SERPINB8: variants seen among roughly 807,000 people sequenced by gnomAD.
The protein encoded by SERPINB8 is serpin B8.
A neutral mutation model predicts 35.3 loss-of-function variants in SERPINB8; 25 were observed. The observed-to-expected ratio is 0.71, with a 90% CI of 0.52 to 0.99. The LOEUF (loss-of-function observed/expected upper bound fraction) is 0.99. Among genes scored for constraint, SERPINB8 ranks in the 50% least tolerant of loss-of-function variants. The pLI is 0.00. For missense variants in SERPINB8, 484 were observed against 446.5 expected (o/e 1.08, Z -0.76); for synonymous variants, 186 against 160.8 (o/e 1.16, Z -1.19).
Position 63,998,983 on chromosome 18 carries a change from A to T in SERPINB8, c.71-5836A>T, listed in dbSNP as rs142401449. ...CCAAGCCAGAATATTTAGGTTCACCATTCTAAGAATGAATTAAGAGCACTA... is the reference window on the plus strand; with the variant it reads ...CCAAGCCAGAATATTTAGGTTCACCTTTCTAAGAATGAATTAAGAGCACTA... On this transcript the variant is annotated intron_variant, in intron 1 of 1. Transcript: ENST00000493661. 5.6e-3 allele frequency among the ~76,000 whole-genome samples: 856 copies of T among 152,374 alleles called. 1 individual carries two copies. The highest frequency in any genetic ancestry group is 0.01 in the Middle Eastern group (3 of 294).
chr18:64,018,197 GT>G (rs1280436819), intron 7 of SERPINB8, among the ~76,000 whole-genome samples: 2 of 152,036 alleles, frequency 1.3e-5, no homozygotes, highest in Non-Finnish European at 2.9e-5. Flanking sequence ...AACATTCTTG[GT>G]TTTTAATTTT....
At position 63,987,095 on chromosome 18, in the gene SERPINB8, C is replaced by T. The variant is rs3744958; in HGVS notation, c.942C>T (p.Ala314=). The T allele has an allele frequency of 0.039, 63,682 of 1,614,116 alleles. 1,374 individuals are homozygous for T. The highest frequency in any genetic ancestry group is 0.07 in the East Asian group (3,157 of 44,876). ...TEKNVPLSKV[A]HKCFVEVNEE... is the part of the protein sequence containing the mutation. Reference sequence around the variant, plus strand: ...AGAATGTGCCTCTGTCCAAGGTTGCCCACAAGTGCTTCGTGGAGGTCAATG... The same window carrying T: ...AGAATGTGCCTCTGTCCAAGGTTGCTCACAAGTGCTTCGTGGAGGTCAATG... Residue 314 remains alanine (A), a synonymous_variant, in exon 7 of 7, where the codon GCC becomes GCT. Coordinates refer to ENST00000397985, the MANE Select transcript of SERPINB8 (RefSeq NM_002640.4).
At chr18:63,972,320 T>A in intron 1 of SERPINB8, among the ~76,000 whole-genome samples, 1 of 152,238 alleles carries the variant, frequency 6.6e-6, no homozygotes, top group African/African-American at 2.4e-5. Context: ...AATAATACTG[T>A]ATTACTCTGT....
chr18:63,993,563 A>T (rs1281790786), downstream of SERPINB8, among the ~76,000 whole-genome samples: 1 of 152,202 alleles, frequency 6.6e-6, no homozygotes, highest in Non-Finnish European at 1.5e-5. Flanking sequence ...TGTGAATTCC[A>T]TGAAGTTGGT....
At position 63,986,992 on chromosome 18, in the gene SERPINB8, A is replaced by T. The variant is rs568953276; in HGVS notation, c.839A>T (p.Glu280Val). 9 of 1,614,230 alleles carry T rather than the reference A, an allele frequency of 5.6e-6. No homozygotes were observed. The highest frequency in any genetic ancestry group is 7.6e-6 in the Non-Finnish European group (9 of 1,180,040). Residue 280 changes from glutamate to valine, a missense_variant, in exon 7 of 7, where the codon GAG becomes GTG. By Grantham distance (121) the Glu-to-Val change is moderately radical. Coordinates refer to ENST00000397985, the MANE Select transcript of SERPINB8 (RefSeq NM_002640.4). The part of the protein sequence containing the change: ...RLKLEESYDL[E>V]PFLRRLGMID... The stretch of plus-strand genomic sequence containing the variant: ...AAGCTGGAGGAGAGTTATGACTTGG[A>T]GCCTTTCCTTCGAAGATTAGGAATG...
intron 7 of SERPINB8, among the ~76,000 whole-genome samples, chr18:64,010,903 C>T (rs1008423438): frequency 1.3e-5 from 2 of 151,626 alleles, no homozygotes; most frequent in Non-Finnish European, 2.9e-5. Context: ...GTTTCTTAAG[C>T]TGGGTAGTGG....
downstream of SERPINB8, among the ~76,000 whole-genome samples, chr18:63,994,048 T>C (rs1034444588): frequency 1.3e-5 from 2 of 151,778 alleles, no homozygotes; most frequent in Admixed American, 1.3e-4. Flanking sequence ...AGTCCATCCT[T>C]CCCCCATCCC....
At chr18:63,972,844 T>G (rs983499626) in intron 1 of SERPINB8, among the ~76,000 whole-genome samples, 1 of 152,208 alleles carries the variant, frequency 6.6e-6, no homozygotes, top group African/African-American at 2.4e-5. Flanking sequence ...GGCTGCATAG[T>G]ATTCCATGGT....
chr18:64,006,462 A>G (rs192979682), downstream of SERPINB8, among the ~76,000 whole-genome samples: 325 of 152,328 alleles, frequency 2.1e-3, 2 homozygotes, highest in African/African-American at 7.5e-3. Flanking sequence ...TAACACACCG[A>G]GGAAATGCCA....
chr18:63,993,563 A>G (rs1281790786), downstream of SERPINB8, among the ~76,000 whole-genome samples: 1 of 152,202 alleles, frequency 6.6e-6, no homozygotes, highest in Non-Finnish European at 1.5e-5. Context: ...TGTGAATTCC[A>G]TGAAGTTGGT....
chr18:63,995,017 A>G (rs1422999123), intron 1 of SERPINB8, among the ~76,000 whole-genome samples: 1 of 152,118 alleles, frequency 6.6e-6, no homozygotes, highest in African/African-American at 2.4e-5. Flanking sequence ...ACATTCCCAA[A>G]TTGCTCTCTG....
intron 3 of SERPINB8, among the ~76,000 whole-genome samples, chr18:63,981,207 G>A (rs1176735946): frequency 6.6e-6 from 1 of 152,174 alleles, no homozygotes; most frequent in East Asian, 1.9e-4. Flanking sequence ...GGCCTTCCTT[G>A]CTCTGTATTC....
intron 1 of SERPINB8, among the ~76,000 whole-genome samples, chr18:64,003,550 TGTGTGTGTA>T (rs1370488148): frequency 6.6e-6 from 1 of 151,344 alleles, no homozygotes; most frequent in East Asian, 1.9e-4. Flanking sequence ...TGTGTGTGTG[TGTGTGTGTA>T]TTTGTTATGA....
At chr18:63,983,861 C>A in intron 5 of SERPINB8, 140 bp downstream of exon 5, 1 of 636,204 alleles carries the variant, frequency 1.6e-6, no homozygotes, top group Non-Finnish European at 2.5e-6. Flanking sequence ...ATTTTATTTT[C>A]TTTGAGACAG....
chr18:63,985,028 G>C (rs762596043), intron 5 of SERPINB8, 65 bp from the exon 6 acceptor site: 245 of 1,532,826 alleles, frequency 1.6e-4, no homozygotes, highest in Non-Finnish European at 2.1e-4. Flanking sequence ...CTGTGAGTTA[G>C]ATATATCCTA....
chr18:64,012,425 A>G (rs1031108095), intron 7 of SERPINB8, among the ~76,000 whole-genome samples: 2 of 152,212 alleles, frequency 1.3e-5, no homozygotes, highest in African/African-American at 4.8e-5. Context: ...TTTACATCTC[A>G]ACTTTTCTGT....
At chr18:64,010,016 T>C (rs974262537), downstream of SERPINB8, among the ~76,000 whole-genome samples, 3 of 152,080 alleles carry the variant, frequency 2.0e-5, no homozygotes, top group Non-Finnish European at 4.4e-5. Context: ...TAAGAGATGA[T>C]AGTTTAGCAC....
rs3169983 is a variant in SERPINB8, at chr18:63,987,063, A to G, written c.910A>G (p.Thr304Ala). Reference sequence around the variant, plus strand: ...CAAGGCAGACTTTTCTGGAATGTCAACTGAGAAGAATGTGCCTCTGTCCAA... The same window carrying G: ...CAAGGCAGACTTTTCTGGAATGTCAGCTGAGAAGAATGTGCCTCTGTCCAA... Reference protein sequence around the residue: ...EAKADFSGMSTEKNVPLSKVA... With the variant: ...EAKADFSGMSAEKNVPLSKVA... Residue 304 changes from threonine (T) to alanine (A), a missense_variant, in exon 7 of 7, where the codon ACT becomes GCT. Physicochemically the swap from Thr to Ala is moderately conservative, Grantham distance 58. Coordinates refer to ENST00000397985, the MANE Select transcript of SERPINB8 (RefSeq NM_002640.4). 162,595 of 1,614,026 alleles carry G rather than the reference A, an allele frequency of 0.1. 10,200 individuals are homozygous for G. The highest frequency in any genetic ancestry group is 0.23 in the African/African-American group (17,034 of 74,976).
downstream of SERPINB8, among the ~76,000 whole-genome samples, chr18:64,006,902 C>T (rs1249285779): frequency 2.0e-5 from 3 of 151,714 alleles, no homozygotes; most frequent in African/African-American, 7.3e-5. Flanking sequence ...TGAAAAAAAC[C>T]TATGCATCCA....
Sources: allele counts gnomAD v4.1 joint callset (sites outside exome capture counted in the v4.1 genomes callset), GRCh38; gene constraint gnomAD v4.1.1; transcripts MANE v1.5; gene names NCBI Gene and HGNC (gene_info 2026-07-23, HGNC 2026-07-21).